BAALC: variants seen among roughly 807,000 people sequenced by gnomAD.
BAALC encodes brain and acute leukemia cytoplasmic protein.
BAALC carries 9 observed loss-of-function variants against 15.5 expected under a neutral mutation model. That is an observed-to-expected ratio of 0.58 (90% CI 0.35 to 1.02). The LOEUF (loss-of-function observed/expected upper bound fraction) is 1.02. Ranked by LOEUF, BAALC falls within the 50% of genes least tolerant of loss-of-function variation. BAALC has a pLI of 0.02. For synonymous variants in BAALC, 80 were observed against 74.6 expected, an observed-to-expected ratio of 1.07 and a Z score of -0.37; for missense variants, 201 against 192.4, an observed-to-expected ratio of 1.04 and a Z score of -0.27.
intron 2 of BAALC, among the ~76,000 whole-genome samples, chr8:103,227,636 A>T (rs1812835019): frequency 6.6e-6 from 1 of 152,212 alleles, no homozygotes; most frequent in Non-Finnish European, 1.5e-5. Context: ...AGCATGAGAC[A>T]AATGCATATT....
intron 1 of BAALC, among the ~76,000 whole-genome samples, chr8:103,211,760 A>C (rs1812450291): frequency 6.6e-6 from 1 of 152,182 alleles, no homozygotes; most frequent in African/African-American, 2.4e-5. Context: ...AGTCTTCTTA[A>C]CCTGGGTTTT....
intron 1 of BAALC, among the ~76,000 whole-genome samples, chr8:103,199,762 T>A (rs1165390930): frequency 6.7e-6 from 1 of 148,400 alleles, no homozygotes; most frequent in African/African-American, 2.5e-5. Flanking sequence ...TACCCAGGTA[T>A]TAAGTCTAGT....
In BAALC at chr8:103,228,584, C is replaced by T. The variant is rs909476185; in HGVS notation, c.*485C>T. On this transcript the variant is annotated 3_prime_UTR_variant, in exon 3 of 3. Transcript: ENST00000309982. ...CTTACCAGGTTCACTTAAAAGCTGG[C>T]TTTCATCCAACTCTAAACCCACATA... The T allele has an allele frequency of 3.9e-5, 6 of 153,132 alleles. No homozygotes were observed. The highest frequency in any genetic ancestry group is 1.4e-4 in the African/African-American group (6 of 41,586). 9.5% of individuals were successfully genotyped at this position (153,132 alleles called of 1,614,324 possible).
At chr8:103,167,363 G>A (rs1811372088) in intron 1 of BAALC, among the ~76,000 whole-genome samples, 1 of 152,172 alleles carries the variant, frequency 6.6e-6, no homozygotes. Context: ...GAGACTCAAT[G>A]TTCTTTGCAT....
At chr8:103,217,579 C>T (rs1367845444) in intron 2 of BAALC, among the ~76,000 whole-genome samples, 18 of 152,142 alleles carry the variant, frequency 1.2e-4, no homozygotes, top group Admixed American at 1.2e-3. Context: ...CCTATATGAG[C>T]TACTAGCATT....
At chr8:103,227,951 T>G (rs939539798) in intron 2 of BAALC, 38 bp from the exon 3 acceptor site, 1 of 1,445,466 alleles carries the variant, frequency 6.9e-7, no homozygotes, top group East Asian at 2.3e-5. Context: ...TTGGTTTACA[T>G]TTCCTAGTAA....
chr8:103,213,170 C>A, intron 2 of BAALC, 85 bp downstream of exon 2: 1 of 1,414,238 alleles, frequency 7.1e-7, no homozygotes, highest in Non-Finnish European at 9.5e-7. Context: ...GCCGCTATGT[C>A]CAGGGAGGGA....
chr8:103,142,239 A>C (rs577870838), intron 1 of BAALC, among the ~76,000 whole-genome samples: 2 of 152,366 alleles, frequency 1.3e-5, no homozygotes, highest in East Asian at 3.9e-4. Context: ...AATCAAGAAT[A>C]GGTTTCTCCA....
chr8:103,165,121 C>T (rs1811315722), intron 1 of BAALC, among the ~76,000 whole-genome samples: 1 of 152,200 alleles, frequency 6.6e-6, no homozygotes, highest in African/African-American at 2.4e-5. Context: ...TGTTTAGCTG[C>T]ATGATAATAT....
At chr8:103,174,085 C>T (rs1023366518) in intron 1 of BAALC, among the ~76,000 whole-genome samples, 19 of 152,068 alleles carry the variant, frequency 1.2e-4, no homozygotes, top group African/African-American at 4.1e-4. Flanking sequence ...ATTACAGGGC[C>T]AGGACACAGA....
At chr8:103,141,222 C>A in intron 1 of BAALC, 165 bp downstream of exon 1, 1 of 774,060 alleles carries the variant, frequency 1.3e-6, no homozygotes, top group Non-Finnish European at 1.9e-6. Flanking sequence ...CAGATGCAAG[C>A]CCAGGGAGTG....
intron 1 of BAALC, among the ~76,000 whole-genome samples, chr8:103,188,901 C>T (rs1175329399): frequency 6.6e-6 from 1 of 152,154 alleles, no homozygotes; most frequent in Non-Finnish European, 1.5e-5. Context: ...AAAACAATGT[C>T]TCATTATTTT....
chr8:103,140,805 G>T lies in BAALC; in HGVS notation c.-93G>T. ...GCGGGGACGCGATGTCGCCGCCGCC[G>T]CCTCCTTGCGGGCCGGGGCTGCGCC... On this transcript the variant is annotated 5_prime_UTR_variant, in exon 1 of 3. Transcript: ENST00000309982. The surrounding 1 kb of genome is among the most constrained non-coding windows in gnomAD (Gnocchi z 4.2). 1 of 1,160,094 alleles carries T rather than the reference G, an allele frequency of 8.6e-7. No individual in the cohort carries two copies. Among genetic ancestry groups the T allele is most frequent in the Non-Finnish European group, 1.1e-6 (1 of 920,942 alleles). 71.9% of individuals were successfully genotyped at this position (1,160,094 alleles called of 1,614,324 possible). A position where few individuals can be genotyped will look rare whatever the true frequency, so the allele number is the denominator to read the frequency against.
At chr8:103,190,403 A>G (rs1811939999) in intron 1 of BAALC, among the ~76,000 whole-genome samples, 1 of 152,076 alleles carries the variant, frequency 6.6e-6, no homozygotes. Context: ...TCCAATTACT[A>G]CCATGGTAAT....
intron 1 of BAALC, among the ~76,000 whole-genome samples, chr8:103,163,583 A>G (rs1255028636): frequency 1.3e-5 from 2 of 152,132 alleles, no homozygotes; most frequent in African/African-American, 4.8e-5. Context: ...CTGCACATCT[A>G]ATCAGGCACC....
chr8:103,170,318 G>C (rs989119758), intron 1 of BAALC, among the ~76,000 whole-genome samples: 1 of 151,838 alleles, frequency 6.6e-6, no homozygotes, highest in African/African-American at 2.4e-5. Flanking sequence ...ATGGTATACA[G>C]AGTAGAATTG....
chr8:103,177,925 A>G (rs1811642062), intron 1 of BAALC, among the ~76,000 whole-genome samples: 1 of 152,216 alleles, frequency 6.6e-6, no homozygotes, highest in Non-Finnish European at 1.5e-5. Flanking sequence ...ATTATTTTAG[A>G]GAAGAAGGAA....
chr8:103,147,455 G>A lies in BAALC; in HGVS notation c.160+6398G>A, dbSNP rs563833494. Among the ~76,000 whole-genome samples, 5 of 151,918 alleles carry A rather than the reference G, an allele frequency of 3.3e-5. No individual in the cohort carries two copies. In the East Asian group the frequency reaches 9.7e-4, roughly 29 times the overall value. The stretch of plus-strand genomic sequence containing the variant: ...AGGATAAATGCAGATTTTTTTTTCT[G>A]CAAAAAACATTGCAGATTTTTTTTT... On this transcript the variant is annotated intron_variant, in intron 1 of 2. Coordinates refer to ENST00000309982, the MANE Select transcript of BAALC (RefSeq NM_024812.3).
rs754214663 is a variant in BAALC, at chr8:103,147,768, C to T, written c.160+6711C>T. Among the ~76,000 whole-genome samples, 133 of 152,208 alleles carry T rather than the reference C, an allele frequency of 8.7e-4. 1 individual carries two copies. Among genetic ancestry groups the T allele is most frequent in the Non-Finnish European group, 1.4e-3 (92 of 68,032 alleles). Reference sequence around the variant, plus strand: ...ACAGCCTCGAGACACTCTCAGCAGACCTTTGGCCTCCGCTGCAAAATCCTA... The same window carrying T: ...ACAGCCTCGAGACACTCTCAGCAGATCTTTGGCCTCCGCTGCAAAATCCTA... On this transcript the variant is annotated intron_variant, in intron 1 of 2. Coordinates refer to ENST00000309982, the MANE Select transcript of BAALC (RefSeq NM_024812.3).
Sources: allele counts gnomAD v4.1 joint callset (sites outside exome capture counted in the v4.1 genomes callset), GRCh38; gene constraint gnomAD v4.1.1; non-coding constraint Gnocchi (gnomAD v3.1); transcripts MANE v1.5; gene names NCBI Gene and HGNC (gene_info 2026-07-23, HGNC 2026-07-21).